SLC25A28: variants seen among roughly 807,000 people sequenced by gnomAD.
The protein encoded by SLC25A28 is mitoferrin-2.
A neutral mutation model predicts 31.9 loss-of-function variants in SLC25A28; 10 were observed. That is an observed-to-expected ratio of 0.31 (90% confidence interval 0.19 to 0.53). The LOEUF (loss-of-function observed/expected upper bound fraction) is 0.53. SLC25A28 is among the 20% of genes least tolerant of loss of function. The pLI is 0.95. For missense variants in SLC25A28, 256 were observed against 490.3 expected (o/e 0.52, Z 4.51); for synonymous variants, 208 against 203.6 (o/e 1.02, Z -0.19).
At chr10:99,615,738 T>C (rs765922690) in intron 1 of SLC25A28, 14 of 985,272 alleles carry the variant, frequency 1.4e-5, no homozygotes, top group African/African-American at 1.7e-5. Context: ...GGTCATATGC[T>C]GGCTAGAGCT....
At chr10:99,634,389 T>A in the SLC25A28 span, among the ~76,000 whole-genome samples, 114 of 150,602 alleles carry the variant, frequency 7.6e-4, no homozygotes, top group Non-Finnish European at 1.5e-3. Context: ...TGCAAGGAAA[T>A]CCAAAAAATG....
chr10:99,639,256 C>A, the SLC25A28 span, among the ~76,000 whole-genome samples: 1 of 151,702 alleles, frequency 6.6e-6, no homozygotes, highest in Non-Finnish European at 1.5e-5. Flanking sequence ...AACATTGTAT[C>A]TTCTCACCGA....
the SLC25A28 span, among the ~76,000 whole-genome samples, chr10:99,644,552 ACATTT>A: frequency 6.6e-6 from 1 of 152,218 alleles, no homozygotes; most frequent in African/African-American, 2.4e-5. Flanking sequence ...TAGCCCATTT[ACATTT>A]AAGGTTAATA....
At position 99,620,283 on chromosome 10, in the gene SLC25A28, C is replaced by A; in HGVS notation, c.53G>T (p.Gly18Val). ...AGGVAGGPAA[G>V]PGRSPGESAL... Reference sequence around the variant, plus strand: ...CGACTCCCCGGGGCTCCGCCCGGGCCCTGCCGCCGGCCCCCCCGCCACACC... The same window carrying A: ...CGACTCCCCGGGGCTCCGCCCGGGCACTGCCGCCGGCCCCCCCGCCACACC... Residue 18 changes from glycine (G) to valine (V), a missense_variant, in exon 1 of 4, where the codon GGG becomes GTG. Around this residue, in one of 4 missense-constraint regions of SLC25A28, gnomAD observed 47 missense variants for 41.4 expected, o/e 1.14. Coordinates refer to ENST00000370495, the MANE Select transcript of SLC25A28 (RefSeq NM_031212.4). The A allele has an allele frequency of 8.4e-7, 1 of 1,194,318 alleles. No homozygotes were observed. The highest frequency in any genetic ancestry group is 1.0e-6 in the Non-Finnish European group (1 of 963,942). The allele number at this position is 1,194,318 out of a possible 1,614,324, so 74.0% of individuals were successfully genotyped here.
chr10:99,628,374 A>G, the SLC25A28 span, among the ~76,000 whole-genome samples: 1 of 152,264 alleles, frequency 6.6e-6, no homozygotes, highest in South Asian at 2.1e-4. Flanking sequence ...GATCAACATT[A>G]TGCCATCAAG....
chr10:99,659,223 C>T, the SLC25A28 span, among the ~76,000 whole-genome samples: 2 of 152,220 alleles, frequency 1.3e-5, no homozygotes, highest in African/African-American at 2.4e-5. This position sits in a 1 kb window ranked among gnomAD's most constrained non-coding sequence, Gnocchi z 4.1. Context: ...GAAGCGGGCA[C>T]AGGGCCGCCC....
upstream of SLC25A28, among the ~76,000 whole-genome samples, chr10:99,625,118 C>T (rs1224293609): frequency 2.0e-5 from 3 of 151,154 alleles, no homozygotes; most frequent in African/African-American, 4.8e-5. Context: ...TTCGTGGTCT[C>T]GCTGACTTCA....
chr10:99,641,164 T>C, the SLC25A28 span, among the ~76,000 whole-genome samples: 14 of 152,232 alleles, frequency 9.2e-5, no homozygotes, highest in Admixed American at 7.2e-4. Flanking sequence ...ATGGTTGAAC[T>C]AGTTTACAGT....
At chr10:99,644,610 G>C in the SLC25A28 span, among the ~76,000 whole-genome samples, 1 of 152,136 alleles carries the variant, frequency 6.6e-6, no homozygotes, top group African/African-American at 2.4e-5. Context: ...ATGTTAGCTG[G>C]TTATTTTGCT....
At chr10:99,644,319 A>C in the SLC25A28 span, among the ~76,000 whole-genome samples, 2 of 152,148 alleles carry the variant, frequency 1.3e-5, no homozygotes, top group Non-Finnish European at 2.9e-5. Flanking sequence ...ACCATTATGT[A>C]ATGGCCTTCT....
At chr10:99,631,122 A>G in the SLC25A28 span, among the ~76,000 whole-genome samples, 4 of 152,162 alleles carry the variant, frequency 2.6e-5, no homozygotes, top group Admixed American at 2.6e-4. Flanking sequence ...CTAGGAAGTA[A>G]GTAAGGAGCA....
chr10:99,627,090 A>C, the SLC25A28 span, among the ~76,000 whole-genome samples: 1 of 152,096 alleles, frequency 6.6e-6, no homozygotes, highest in Admixed American at 6.5e-5. Context: ...AAAATGCAAA[A>C]ATTAGCCGGG....
At chr10:99,620,926 C>A, upstream of SLC25A28, 1 of 982,306 alleles carries the variant, frequency 1.0e-6, no homozygotes, top group Non-Finnish European at 1.2e-6. Flanking sequence ...CGTCAAACTG[C>A]TGACGGGCGC....
chr10:99,646,602 T>C, the SLC25A28 span, among the ~76,000 whole-genome samples: 1 of 152,176 alleles, frequency 6.6e-6, no homozygotes, highest in African/African-American at 2.4e-5. Flanking sequence ...AGTACCTCAG[T>C]TGGAAATGCA....
Position 99,613,634 on chromosome 10 carries a change from T to G in SLC25A28, c.520+62A>C. The G allele has an allele frequency of 6.2e-7, 1 of 1,611,358 alleles. No homozygotes were observed. Among genetic ancestry groups the G allele is most frequent in the Non-Finnish European group, 8.5e-7 (1 of 1,178,816 alleles). On this transcript the variant is annotated intron_variant, in intron 2 of 3. Transcript: ENST00000370495. This position sits in a 1 kb window ranked among gnomAD's most constrained non-coding sequence, Gnocchi z 4.9. ...AAACCATGCTGAGACTGGAAAGCAC[T>G]GACAGCAGCAAAGCCCAAAGAGTTG...
At chr10:99,631,575 C>T in the SLC25A28 span, among the ~76,000 whole-genome samples, 2 of 152,066 alleles carry the variant, frequency 1.3e-5, no homozygotes, top group Non-Finnish European at 1.5e-5. Context: ...ACTAACAAAA[C>T]AGAGTTAGTA....
At chr10:99,651,204 A>G in the SLC25A28 span, among the ~76,000 whole-genome samples, 2,219 of 152,186 alleles carry the variant, frequency 0.015, 63 homozygotes, top group African/African-American at 0.05. Flanking sequence ...CAATCTCTTT[A>G]AAATATATCT....
At chr10:99,649,541 T>C in the SLC25A28 span, among the ~76,000 whole-genome samples, 1,053 of 152,342 alleles carry the variant, frequency 6.9e-3, 11 homozygotes, top group African/African-American at 0.022. Flanking sequence ...AGTTCTTCTT[T>C]GTATATTTGG....
intron 1 of SLC25A28, chr10:99,616,559 A>G: frequency 2.0e-6 from 2 of 985,400 alleles, no homozygotes; most frequent in Non-Finnish European, 1.2e-6. Flanking sequence ...TTAGCCACCA[A>G]TAAATCAGGG....
Sources: allele counts gnomAD v4.1 joint callset (sites outside exome capture counted in the v4.1 genomes callset), GRCh38; gene constraint gnomAD v4.1.1; regional missense constraint gnomAD v4.1.1; non-coding constraint Gnocchi (gnomAD v3.1); transcripts MANE v1.5; gene names NCBI Gene and HGNC (gene_info 2026-07-23, HGNC 2026-07-21).